Variants in PCDH9 observed in about 807,000 individuals in gnomAD.
PCDH9 encodes protocadherin 9.
PCDH9 carries 24 observed loss-of-function variants against 70.6 expected under a neutral mutation model. The observed-to-expected ratio is 0.34, with a 90% CI of 0.25 to 0.48. The LOEUF (loss-of-function observed/expected upper bound fraction) is 0.48, where lower values mean the gene tolerates loss of function less well. Among genes scored for constraint, PCDH9 ranks in the 20% least tolerant of loss-of-function variants. The pLI is 0.99. For missense variants in PCDH9, 1,281 were observed against 1,503.6 expected, an observed-to-expected ratio of 0.85 and a Z score of 2.45; for synonymous variants, 562 against 558.5, an observed-to-expected ratio of 1.01 and a Z score of -0.09.
At chr13:67,056,736 A>G (rs1041026602) in intron 2 of PCDH9, among the ~76,000 whole-genome samples, 1 of 152,160 alleles carries the variant, frequency 6.6e-6, no homozygotes, top group Non-Finnish European at 1.5e-5. Context: ...AATATGGGAT[A>G]ATATATGTAA....
intron 3 of PCDH9, among the ~76,000 whole-genome samples, chr13:66,882,729 T>TGTA: frequency 6.6e-6 from 1 of 152,328 alleles, no homozygotes; most frequent in South Asian, 2.1e-4. Context: ...CAGCAACTAC[T>TGTA]TTTTTACTAT....
chr13:66,761,477 A>T (rs1197339026), intron 3 of PCDH9, among the ~76,000 whole-genome samples: 1 of 152,096 alleles, frequency 6.6e-6, no homozygotes, highest in Non-Finnish European at 1.5e-5. Flanking sequence ...AATGCCAATC[A>T]CTTGAAATTT....
chr13:67,187,377 G>A (rs368007191), intron 2 of PCDH9, among the ~76,000 whole-genome samples: 11 of 152,288 alleles, frequency 7.2e-5, no homozygotes, highest in East Asian at 1.9e-4. Context: ...AAGTGTCCGC[G>A]AATGGATTTG....
At chr13:66,567,401 T>C (rs1211371164) in intron 4 of PCDH9, among the ~76,000 whole-genome samples, 1 of 152,162 alleles carries the variant, frequency 6.6e-6, no homozygotes, top group Non-Finnish European at 1.5e-5. Flanking sequence ...GACACTTGTC[T>C]TCTTTCTCCC....
intron 3 of PCDH9, among the ~76,000 whole-genome samples, chr13:66,664,766 C>A (rs768347392): frequency 3.9e-5 from 6 of 152,000 alleles, no homozygotes; most frequent in Non-Finnish European, 8.8e-5. Flanking sequence ...GTCTCCCCTA[C>A]CCATCATTTC....
At chr13:66,928,450 A>G (rs1275395387) in intron 2 of PCDH9, among the ~76,000 whole-genome samples, 2 of 152,134 alleles carry the variant, frequency 1.3e-5, no homozygotes, top group Non-Finnish European at 2.9e-5. Context: ...GGAAGCTCAG[A>G]ATACTGAGGA....
intron 2 of PCDH9, among the ~76,000 whole-genome samples, chr13:67,050,361 C>T (rs1026029909): frequency 2.0e-5 from 3 of 152,140 alleles, no homozygotes; most frequent in East Asian, 1.9e-4. Context: ...ATCCCACCTA[C>T]TCAGTTCCTA....
chr13:66,683,428 C>G (rs1468211623), intron 3 of PCDH9, among the ~76,000 whole-genome samples: 2 of 152,188 alleles, frequency 1.3e-5, no homozygotes, highest in African/African-American at 4.8e-5. Context: ...CTTCCCCTCT[C>G]TCACACTAAA....
chr13:66,606,907 T>C (rs1304602310), intron 4 of PCDH9, among the ~76,000 whole-genome samples: 3 of 152,140 alleles, frequency 2.0e-5, no homozygotes, highest in Non-Finnish European at 4.4e-5. Flanking sequence ...CACCTGCACA[T>C]TTATGTTCAA....
At chr13:66,463,697 T>TGTTGGATCC (rs1401644345) in intron 4 of PCDH9, among the ~76,000 whole-genome samples, 2 of 151,770 alleles carry the variant, frequency 1.3e-5, no homozygotes, top group Non-Finnish European at 2.9e-5. Context: ...AGAAAATGTG[T>TGTTGGATCC]GTTGGATCCA....
Position 66,778,906 on chromosome 13 carries a change from C to T in PCDH9, c.3138+124598G>A, listed in dbSNP as rs778565837. 1.1e-4 allele frequency among the ~76,000 whole-genome samples: 17 copies of T among 152,252 alleles called. No homozygotes were observed. The East Asian group carries it at 1.9e-3, about 17-fold the overall frequency. On this transcript the variant is annotated intron_variant, in intron 3 of 4. Transcript: ENST00000377865. Reference sequence around the variant, plus strand: ...ATAAAACATATTCCCTGGGTTGTTGCTCTCTACTTTCTGTTTATCTTTTTA... The same window carrying T: ...ATAAAACATATTCCCTGGGTTGTTGTTCTCTACTTTCTGTTTATCTTTTTA...
chr13:67,121,024 C>T (rs1008560115), intron 2 of PCDH9, among the ~76,000 whole-genome samples: 5 of 151,982 alleles, frequency 3.3e-5, no homozygotes, highest in African/African-American at 1.2e-4. Flanking sequence ...CAACTACTAA[C>T]GTCCTACTGT....
chr13:66,388,935 T>G (rs1956974334), intron 4 of PCDH9, among the ~76,000 whole-genome samples: 1 of 152,210 alleles, frequency 6.6e-6, no homozygotes, highest in Non-Finnish European at 1.5e-5. Context: ...ATATTCAGCT[T>G]AAATTAACCA....
chr13:66,843,689 T>C (rs1683006459), intron 3 of PCDH9, among the ~76,000 whole-genome samples: 1 of 152,200 alleles, frequency 6.6e-6, no homozygotes, highest in South Asian at 2.1e-4. Flanking sequence ...TCACAGCTAA[T>C]GTGTACACTC....
intron 4 of PCDH9, among the ~76,000 whole-genome samples, chr13:66,419,415 C>A (rs1047708193): frequency 6.6e-6 from 1 of 151,764 alleles, no homozygotes. Flanking sequence ...CGAGACAAAC[C>A]CAGAAGGTGG....
chr13:66,495,598 A>C (rs572330098), intron 4 of PCDH9, among the ~76,000 whole-genome samples: 1 of 152,270 alleles, frequency 6.6e-6, no homozygotes, highest in Admixed American at 6.5e-5. Context: ...ACATACATAC[A>C]TACCTCTGGA....
At chr13:66,958,702 ATCT>A (rs1361967446) in intron 2 of PCDH9, among the ~76,000 whole-genome samples, 2 of 152,084 alleles carry the variant, frequency 1.3e-5, no homozygotes, top group Non-Finnish European at 2.9e-5. Context: ...AATGAGCTAG[ATCT>A]TCTGAGAGCA....
intron 3 of PCDH9, among the ~76,000 whole-genome samples, chr13:66,840,170 T>TA (rs944206517): frequency 5.9e-5 from 9 of 151,942 alleles, no homozygotes; most frequent in African/African-American, 1.7e-4. Context: ...TAAACAATAT[T>TA]AAAAAAAATC....
chr13:66,415,281 C>T (rs565470835), intron 4 of PCDH9, among the ~76,000 whole-genome samples: 4 of 152,214 alleles, frequency 2.6e-5, no homozygotes, highest in Non-Finnish European at 4.4e-5. Context: ...AGAAAATAGC[C>T]GTGCTATGAA....
Sources: allele counts gnomAD v4.1 joint callset (sites outside exome capture counted in the v4.1 genomes callset), GRCh38; gene constraint gnomAD v4.1.1; transcripts MANE v1.5; gene names NCBI Gene and HGNC (gene_info 2026-07-23, HGNC 2026-07-21).